Variants in SV2B observed in about 807,000 individuals in gnomAD.
SV2B encodes solute carrier family 22 member B2.
A neutral mutation model predicts 73.9 loss-of-function variants in SV2B; 41 were observed. The observed-to-expected ratio is 0.56, with a 90% confidence interval of 0.43 to 0.72. SV2B has a LOEUF of 0.72. Ranked by LOEUF, SV2B falls within the 30% of genes least tolerant of loss-of-function variation. The pLI is 0.00. For missense variants in SV2B, 764 were observed against 857.8 expected (o/e 0.89, Z 1.37); for synonymous variants, 314 against 314.2 (o/e 1.00, Z 0.01).
At chr15:91,125,817 T>G (rs949021574) in intron 1 of SV2B, among the ~76,000 whole-genome samples, 6 of 96,968 alleles carry the variant, frequency 6.2e-5, no homozygotes, top group Non-Finnish European at 1.1e-4. Context: ...CATTTAAAAT[T>G]AGGGCATAAA....
In SV2B at chr15:91,300,910, G is replaced by GTA. The variant is rs1183392983; in HGVS notation, c.*8361_*8362dup. ...AAGAACTGTAAAAAATATTTCATAG[G>GTA]TATAGAAGGCATTTGTAATACTGTT... On this transcript the variant is annotated 3_prime_UTR_variant, in exon 13 of 13. Coordinates refer to ENST00000394232, the MANE Select transcript of SV2B (RefSeq NM_001323032.3). 6.6e-6 allele frequency: 1 copy of GTA among 152,182 alleles called. No individual in the cohort carries two copies. Among genetic ancestry groups the GTA allele is most frequent in the Non-Finnish European group, 1.5e-5 (1 of 68,038 alleles). 9.4% of individuals were successfully genotyped at this position (152,182 alleles called of 1,614,324 possible). A position where few individuals can be genotyped will look rare whatever the true frequency, so the allele number is the denominator to read the frequency against.
chr15:91,243,782 A>G (rs1441775599), intron 2 of SV2B, among the ~76,000 whole-genome samples: 5 of 152,194 alleles, frequency 3.3e-5, no homozygotes, highest in African/African-American at 7.2e-5. Flanking sequence ...CTTAAATCCA[A>G]TGCTGCTGAA....
At position 91,214,975 on chromosome 15, in the gene SV2B, A is replaced by T. The variant is rs2045975803; in HGVS notation, c.-391-10898A>T. ...ACCAGTCGTACTGCAGGCTGGGACCATTGTTGCTGACCCCAGGGCTGCAGG... is the reference window on the plus strand; with the variant it reads ...ACCAGTCGTACTGCAGGCTGGGACCTTTGTTGCTGACCCCAGGGCTGCAGG... On this transcript the variant is annotated intron_variant, in intron 1 of 12. Coordinates refer to ENST00000394232, the MANE Select transcript of SV2B (RefSeq NM_001323032.3). This position sits in a 1 kb window ranked among gnomAD's most constrained non-coding sequence, Gnocchi z 4.7. 6.6e-6 allele frequency among the ~76,000 whole-genome samples: 1 copy of T among 152,168 alleles called. No individual in the cohort carries two copies.
In SV2B at chr15:91,229,706, G is replaced by A. The variant is rs894689024; in HGVS notation, c.451+2992G>A. On this transcript the variant is annotated intron_variant, in intron 2 of 12. Transcript: ENST00000394232. The surrounding 1 kb of genome is among the most constrained non-coding windows in gnomAD (Gnocchi z 4.3). The stretch of plus-strand genomic sequence containing the variant: ...CTAAAACAGTACCTGCCCCTAATCA[G>A]TGCTCAAGATATCTTAGTTATTATT... Among the ~76,000 whole-genome samples the A allele has an allele frequency of 6.6e-6, 1 of 152,188 alleles. No individual in the cohort carries two copies. The highest frequency in any genetic ancestry group is 2.4e-5 in the African/African-American group (1 of 41,438).
At chr15:91,276,156 A>T (rs183786626) in intron 9 of SV2B, among the ~76,000 whole-genome samples, 166 of 148,494 alleles carry the variant, frequency 1.1e-3, no homozygotes, top group African/African-American at 3.8e-3. Flanking sequence ...CTGTATTCTT[A>T]TCTTTATTTA....
intron 1 of SV2B, among the ~76,000 whole-genome samples, chr15:91,142,628 A>G (rs534812770): frequency 3.3e-5 from 5 of 152,242 alleles, no homozygotes; most frequent in Non-Finnish European, 7.3e-5. Context: ...TGCCTGTATC[A>G]TAACAACAGC....
chr15:91,252,403 T>G lies in SV2B; in HGVS notation c.667T>G (p.Phe223Val), dbSNP rs1271506522. ...TGCTCTACCGATTGTTTTTGCCTAT[T>G]TTTCTGAATTCTTGTCTCGGGAGAA... ...GGALPIVFAYFSEFLSREKRG... is the reference protein window; with the variant it reads ...GGALPIVFAYVSEFLSREKRG... Residue 223 changes from phenylalanine (F) to valine (V), a missense_variant, in exon 4 of 13, where the codon TTT becomes GTT. Physicochemically the swap from Phe to Val is conservative, Grantham distance 50 (BLOSUM62 -1). Transcript: ENST00000394232. This position sits in a 1 kb window ranked among gnomAD's most constrained non-coding sequence, Gnocchi z 4.6. 6.2e-7 allele frequency: 1 copy of G among 1,613,444 alleles called. No homozygotes were observed. The highest frequency in any genetic ancestry group is 1.3e-5 in the African/African-American group (1 of 74,882).
chr15:91,202,592 G>T (rs763453996), intron 1 of SV2B, among the ~76,000 whole-genome samples: 1 of 152,184 alleles, frequency 6.6e-6, no homozygotes, highest in Non-Finnish European at 1.5e-5. Context: ...GAGAACAGTG[G>T]CTGGCACATG....
chr15:91,192,899 T>A (rs73505187), intron 1 of SV2B, among the ~76,000 whole-genome samples: 4,847 of 152,338 alleles, frequency 0.032, 246 homozygotes, highest in African/African-American at 0.11. Context: ...GAGGCTGGCC[T>A]GGATGGATGC....
At chr15:91,135,006 T>A (rs2042776026) in intron 1 of SV2B, among the ~76,000 whole-genome samples, 1 of 151,822 alleles carries the variant, frequency 6.6e-6, no homozygotes, top group Non-Finnish European at 1.5e-5. Context: ...TTTTTTTTTT[T>A]TTTTTTATTT....
rs556684106 is a variant in SV2B, at chr15:91,258,953, G to A, written c.918+399G>A. Among the ~76,000 whole-genome samples, 3 of 151,088 alleles carry A rather than the reference G, an allele frequency of 2.0e-5. No homozygotes were observed. Among genetic ancestry groups the A allele is most frequent in the Non-Finnish European group, 2.9e-5 (2 of 67,824 alleles). The stretch of plus-strand genomic sequence containing the variant: ...AAAAAAAAAAAAAAATTAGTTGAGC[G>A]ATTTGGTGCGTGCATGCCTGTGGTC... On this transcript the variant is annotated intron_variant, in intron 5 of 12. Coordinates refer to ENST00000394232, the MANE Select transcript of SV2B (RefSeq NM_001323032.3). This position sits in a 1 kb window ranked among gnomAD's most constrained non-coding sequence, Gnocchi z 4.7.
At position 91,197,740 on chromosome 15, in the gene SV2B, T is replaced by A. The variant is rs2045302608; in HGVS notation, c.-391-28133T>A. 6.6e-6 allele frequency among the ~76,000 whole-genome samples: 1 copy of A among 151,906 alleles called. No individual in the cohort carries two copies. The highest frequency in any genetic ancestry group is 2.4e-5 in the African/African-American group (1 of 41,382). ...GCAAGGATACTTGCTATATAAAGTTTAAAAAATATGCAGCCAGGCCCGGTG... is the reference window on the plus strand; with the variant it reads ...GCAAGGATACTTGCTATATAAAGTTAAAAAAATATGCAGCCAGGCCCGGTG... On this transcript the variant is annotated intron_variant, in intron 1 of 12. Coordinates refer to ENST00000394232, the MANE Select transcript of SV2B (RefSeq NM_001323032.3). The surrounding 1 kb of genome is among the most constrained non-coding windows in gnomAD (Gnocchi z 4.9).
chr15:91,281,192 C>T lies in SV2B; in HGVS notation c.1374-536C>T, dbSNP rs142430457. On this transcript the variant is annotated intron_variant, in intron 9 of 12. Transcript: ENST00000394232. This position sits in a 1 kb window ranked among gnomAD's most constrained non-coding sequence, Gnocchi z 4.7. ...GGTGGTATTCCTAGGTCAAAGAGAA[C>T]GTGCATTTCAAATTTTGCAAAATTG... Among the ~76,000 whole-genome samples, 2 of 152,232 alleles carry T rather than the reference C, an allele frequency of 1.3e-5. No homozygotes were observed. Among genetic ancestry groups the T allele is most frequent in the African/African-American group, 2.4e-5 (1 of 41,532 alleles).
At chr15:91,155,387 C>T (rs1163078474) in intron 1 of SV2B, among the ~76,000 whole-genome samples, 1 of 152,326 alleles carries the variant, frequency 6.6e-6, no homozygotes, top group East Asian at 1.9e-4. Flanking sequence ...ATCTTCTCTG[C>T]CTGGTCACCA....
Position 91,251,913 on chromosome 15 carries a change from G to C in SV2B, c.546G>C (p.Leu182=), listed in dbSNP as rs530472457. The C allele has an allele frequency of 2.8e-5, 46 of 1,614,140 alleles. No homozygotes were observed. The South Asian group carries it at 4.9e-4, about 17-fold the overall frequency. ...LGRKRVLSMS[L]AVNASFASLS... Reference sequence around the variant, plus strand: ...GGAAGCGAGTCCTCAGCATGTCTCTGGCCGTCAATGCCTCCTTCGCCTCCC... The same window carrying C: ...GGAAGCGAGTCCTCAGCATGTCTCTCGCCGTCAATGCCTCCTTCGCCTCCC... The change falls in exon 3 of 13, where the codon CTG becomes CTC. Residue 182 remains leucine (L), a synonymous_variant. Transcript: ENST00000394232.
At position 91,124,229 on chromosome 15, in the gene SV2B, G is replaced by A. The variant is rs1014909547; in HGVS notation, c.-392+23866G>A. Among the ~76,000 whole-genome samples, 15 of 152,180 alleles carry A rather than the reference G, an allele frequency of 9.9e-5. No homozygotes were observed. The highest frequency in any genetic ancestry group is 3.4e-4 in the African/African-American group (14 of 41,432). On this transcript the variant is annotated intron_variant, in intron 1 of 12. Transcript: ENST00000394232. This position sits in a 1 kb window ranked among gnomAD's most constrained non-coding sequence, Gnocchi z 4.6. ...CCAGCCTCAGGGCCCATCTGTTCAT[G>A]CTATTTATTCCCTCGGGGAAGTCAC...
At chr15:91,111,404 G>T (rs543031963) in intron 1 of SV2B, among the ~76,000 whole-genome samples, 6 of 152,342 alleles carry the variant, frequency 3.9e-5, no homozygotes, top group African/African-American at 1.2e-4. Flanking sequence ...GAGCTCTGCA[G>T]TAGGGGAGCT....
rs1596421671 is a variant in SV2B, at chr15:91,115,036, A to G, written c.-392+14673A>G. On this transcript the variant is annotated intron_variant, in intron 1 of 12. Transcript: ENST00000394232. This position sits in a 1 kb window ranked among gnomAD's most constrained non-coding sequence, Gnocchi z 4.3. The stretch of plus-strand genomic sequence containing the variant: ...GGGCACCATCACTATGACTCCCAAG[A>G]TGGCAGGTAGTGAGGAAAGGGGAGT... 6.6e-6 allele frequency among the ~76,000 whole-genome samples: 1 copy of G among 152,288 alleles called. No individual in the cohort carries two copies. The highest frequency in any genetic ancestry group is 1.9e-4 in the East Asian group (1 of 5,184).
In SV2B at chr15:91,241,102, T is replaced by C. The variant is rs2046992913; in HGVS notation, c.452-10717T>C. The stretch of plus-strand genomic sequence containing the variant: ...TCACATTCCAACCATCTCTCTATTA[T>C]TGTCCTTGGAGATTTTAATAAGTGA... On this transcript the variant is annotated intron_variant, in intron 2 of 12. Transcript: ENST00000394232. The surrounding 1 kb of genome is among the most constrained non-coding windows in gnomAD (Gnocchi z 4.8). Among the ~76,000 whole-genome samples, 1 of 152,244 alleles carries C rather than the reference T, an allele frequency of 6.6e-6. No homozygotes were observed. The highest frequency in any genetic ancestry group is 1.5e-5 in the Non-Finnish European group (1 of 68,044).
Sources: allele counts gnomAD v4.1 joint callset (sites outside exome capture counted in the v4.1 genomes callset), GRCh38; gene constraint gnomAD v4.1.1; non-coding constraint Gnocchi (gnomAD v3.1); transcripts MANE v1.5; gene names NCBI Gene and HGNC (gene_info 2026-07-23, HGNC 2026-07-21).